ERGIC2: variants seen among roughly 807,000 people sequenced by gnomAD.
The protein encoded by ERGIC2 is endoplasmic reticulum-Golgi intermediate compartment protein 2.
In ERGIC2, 31 loss-of-function variants were observed where a neutral mutation model predicts 52.5. The observed-to-expected ratio is 0.59, with a 90% CI of 0.44 to 0.80. The LOEUF (loss-of-function observed/expected upper bound fraction) is 0.80. Ranked by LOEUF, ERGIC2 falls within the 30% of genes least tolerant of loss-of-function variation. The pLI, the probability that ERGIC2 is intolerant of heterozygous loss-of-function variation, is 0.00. For synonymous variants in ERGIC2, 129 were observed against 140.6 expected, an observed-to-expected ratio of 0.92 and a Z score of 0.58; for missense variants, 395 against 455.2, an observed-to-expected ratio of 0.87 and a Z score of 1.20.
chr12:29,348,143 C>T (rs994018350), intron 10 of ERGIC2, among the ~76,000 whole-genome samples: 10 of 152,124 alleles, frequency 6.6e-5, no homozygotes, highest in African/African-American at 2.4e-4. Flanking sequence ...ATTTAGTACA[C>T]TCAGGTTTCC....
In ERGIC2 at chr12:29,356,596, G is replaced by T. The variant is rs1034300131; in HGVS notation, c.477-119C>A. The T allele has an allele frequency of 2.1e-5, 11 of 524,356 alleles. No individual in the cohort carries two copies. The African/African-American group carries it at 2.2e-4, about 10-fold the overall frequency. 32.5% of individuals were successfully genotyped at this position (524,356 alleles called of 1,614,324 possible). A position where few individuals can be genotyped will look rare whatever the true frequency, so the allele number is the denominator to read the frequency against. On this transcript the variant is annotated intron_variant, in intron 7 of 13. Transcript: ENST00000360150. ...TCATTTTTTAGGTAATATTCTAAAT[G>T]TTAAAAATAGAATAGTTTCCTGAAG...
At chr12:29,363,302 G>A (rs899201412) in intron 5 of ERGIC2, among the ~76,000 whole-genome samples, 1 of 152,056 alleles carries the variant, frequency 6.6e-6, no homozygotes, top group Non-Finnish European at 1.5e-5. Context: ...ATCATGGCTT[G>A]TAAACTAGTA....
intron 1 of ERGIC2, among the ~76,000 whole-genome samples, chr12:29,374,024 G>C (rs1940481082): frequency 6.6e-6 from 1 of 151,946 alleles, no homozygotes; most frequent in African/African-American, 2.4e-5. Flanking sequence ...TTAAATATCT[G>C]TATGTCTCTT....
intron 5 of ERGIC2, among the ~76,000 whole-genome samples, chr12:29,365,090 C>T (rs768360841): frequency 1.3e-5 from 2 of 152,016 alleles, no homozygotes; most frequent in African/African-American, 4.8e-5. Flanking sequence ...TTTAACCCAG[C>T]AATCCCATTA....
At chr12:29,361,576 T>C in intron 6 of ERGIC2, 69 bp downstream of exon 6, 1 of 1,189,544 alleles carries the variant, frequency 8.4e-7, no homozygotes, top group Non-Finnish European at 1.2e-6. Context: ...TGTTAATCTA[T>C]AAATAGTTTA....
intron 7 of ERGIC2, among the ~76,000 whole-genome samples, chr12:29,357,297 G>A (rs73273385): frequency 0.023 from 3,550 of 152,086 alleles, 131 homozygotes; most frequent in African/African-American, 0.081. Context: ...ATACAAAAAC[G>A]GGAAATAAAA....
rs751144640 is a variant in ERGIC2 at position 29,350,045 on chromosome 12, T to C, written c.596A>G (p.His199Arg). ...GTTGACAAGTGCTGCCAAATGTGCATGACCACGAGGATGTGGAATTGCCCT... is the reference window on the plus strand; with the variant it reads ...GTTGACAAGTGCTGCCAAATGTGCACGACCACGAGGATGTGGAATTGCCCT... The part of the protein sequence containing the change: ...VGKAIPHPRG[H>R]AHLAALVNHE... Residue 199 changes from histidine to arginine, a missense_variant, in exon 9 of 14, where the codon CAT becomes CGT. Coordinates refer to ENST00000360150, the MANE Select transcript of ERGIC2 (RefSeq NM_016570.3). 6.2e-7 allele frequency: 1 copy of C among 1,607,602 alleles called. No homozygotes were observed. The highest frequency in any genetic ancestry group is 1.7e-5 in the Admixed American group (1 of 59,898).
At chr12:29,352,679 CAAAT>C (rs1417259175) in intron 8 of ERGIC2, among the ~76,000 whole-genome samples, 2 of 151,946 alleles carry the variant, frequency 1.3e-5, no homozygotes, top group Admixed American at 1.3e-4. Context: ...AATAAACAAA[CAAAT>C]AAATAAACAA....
At position 29,357,855 on chromosome 12, in the gene ERGIC2, A is replaced by C. The variant is rs1940230295; in HGVS notation, c.375-131T>G. The C allele has an allele frequency of 4.5e-6, 3 of 668,930 alleles. No individual in the cohort carries two copies. In the South Asian group the frequency reaches 5.0e-5, roughly 11 times the overall value. 41.4% of individuals were successfully genotyped at this position (668,930 alleles called of 1,614,324 possible). A position where few individuals can be genotyped will look rare whatever the true frequency, so the allele number is the denominator to read the frequency against. On this transcript the variant is annotated intron_variant, in intron 6 of 13. Transcript: ENST00000360150. ...TTATTACAGGATTTCATATTCTAAAATAACATACCAAGTTTTCTTTGGTCA... is the reference window on the plus strand; with the variant it reads ...TTATTACAGGATTTCATATTCTAAACTAACATACCAAGTTTTCTTTGGTCA...
intron 1 of ERGIC2, chr12:29,380,743 G>A (rs1460345162): frequency 6.6e-6 from 1 of 152,406 alleles, no homozygotes; most frequent in Non-Finnish European, 1.5e-5. Context: ...CGGGAGGACT[G>A]GGACTCGACC....
chr12:29,380,677 C>T (rs1940576096), intron 1 of ERGIC2: 1 of 152,040 alleles, frequency 6.6e-6, no homozygotes, highest in Non-Finnish European at 1.5e-5. Flanking sequence ...AGACAGAGGG[C>T]AACGTGCTGC....
intron 1 of ERGIC2, chr12:29,372,798 G>A (rs1036322516): frequency 6.6e-6 from 1 of 151,900 alleles, no homozygotes; most frequent in Non-Finnish European, 1.5e-5. Context: ...TAGGACTATA[G>A]GCATGCACCT....
At chr12:29,360,566 TATACTC>T (rs1194748151) in intron 6 of ERGIC2, among the ~76,000 whole-genome samples, 1 of 147,768 alleles carries the variant, frequency 6.8e-6, no homozygotes, top group Non-Finnish European at 1.5e-5. Context: ...AAATATATAA[TATACTC>T]ATATATGATA....
intron 8 of ERGIC2, among the ~76,000 whole-genome samples, chr12:29,355,422 CA>C (rs1360048883): frequency 6.6e-6 from 1 of 152,104 alleles, no homozygotes; most frequent in Non-Finnish European, 1.5e-5. Context: ...TAGTTTCTAG[CA>C]CAGTACTTTG....
intron 2 of ERGIC2, among the ~76,000 whole-genome samples, chr12:29,370,675 A>G (rs1940429156): frequency 1.3e-5 from 2 of 151,972 alleles, no homozygotes; most frequent in African/African-American, 4.8e-5. Flanking sequence ...TTGGGCTATA[A>G]GCCCAATTTA....
intron 5 of ERGIC2, among the ~76,000 whole-genome samples, chr12:29,363,845 A>C (rs1215018129): frequency 2.0e-5 from 3 of 151,986 alleles, no homozygotes; most frequent in African/African-American, 7.2e-5. Flanking sequence ...GAAAAAAAAA[A>C]AAAAAGAGAG....
intron 11 of ERGIC2, 107 bp from the exon 12 acceptor site, chr12:29,343,389 G>T: frequency 1.4e-6 from 1 of 730,366 alleles, no homozygotes; most frequent in Non-Finnish European, 2.1e-6. Context: ...AAGCCCTACT[G>T]TAAAAGAAGG....
intron 9 of ERGIC2, among the ~76,000 whole-genome samples, chr12:29,349,497 C>A (rs965207415): frequency 2.6e-5 from 4 of 151,920 alleles, no homozygotes; most frequent in Admixed American, 6.6e-5. Flanking sequence ...ATATAGTTAA[C>A]AGGACGGTAT....
intron 6 of ERGIC2, among the ~76,000 whole-genome samples, chr12:29,358,794 AGTACTT>A (rs1308688536): frequency 6.6e-6 from 1 of 152,148 alleles, no homozygotes; most frequent in African/African-American, 2.4e-5. Context: ...TGATAAAATA[AGTACTT>A]TCTAGATGTG....
Sources: allele counts gnomAD v4.1 joint callset (sites outside exome capture counted in the v4.1 genomes callset), GRCh38; gene constraint gnomAD v4.1.1; transcripts MANE v1.5; gene names NCBI Gene and HGNC (gene_info 2026-07-23, HGNC 2026-07-21).